Variants in AKR1C3 observed in about 807,000 individuals in gnomAD.
AKR1C3 encodes 3-alpha hydroxysteroid dehydrogenase, type II.
Under a neutral mutation model 43.6 loss-of-function variants are expected in AKR1C3, and 48 were observed. The ratio of observed to expected loss-of-function variants is 1.10; its 90% CI spans 0.87 to 1.40. AKR1C3 has a LOEUF of 1.40. Among genes scored for constraint, AKR1C3 ranks in the 40% most tolerant of loss-of-function variants. AKR1C3 has a pLI of 0.00. For synonymous variants in AKR1C3, 162 were observed against 139.6 expected, an observed-to-expected ratio of 1.16 and a Z score of -1.13; for missense variants, 482 against 391.2, an observed-to-expected ratio of 1.23 and a Z score of -1.96.
At position 5,094,522 on chromosome 10, in the gene AKR1C3, T is replaced by G. The variant is rs1554784874; in HGVS notation, c.78T>G (p.Pro26=). 4 of 1,612,632 alleles carry G rather than the reference T, an allele frequency of 2.5e-6. No homozygotes were observed. The highest frequency in any genetic ancestry group is 3.4e-6 in the Non-Finnish European group (4 of 1,178,858). Reference sequence around the variant, plus strand: ...TATTGGGATTTGGCACCTATGCACCTCCAGAGGTAAGAATAATTCCTTTTA... The same window carrying G: ...TATTGGGATTTGGCACCTATGCACCGCCAGAGGTAAGAATAATTCCTTTTA... ...MPVLGFGTYA[P]PEVPRSKALE... is the part of the protein sequence containing the mutation. The change falls in exon 1 of 9, where the codon CCT becomes CCG. Residue 26 remains proline, a synonymous_variant. Coordinates refer to ENST00000380554, the MANE Select transcript of AKR1C3 (RefSeq NM_003739.6).
chr10:5,077,814 G>T (rs1490050486), intron 1 of AKR1C3: 1 of 567,548 alleles, frequency 1.8e-6, no homozygotes, highest in South Asian at 4.2e-5. Context: ...AAATCTGACC[G>T]ATTTTCAATG....
chr10:5,106,531 G>C lies in AKR1C3; in HGVS notation c.929+854G>C, dbSNP rs765406922. On this transcript the variant is annotated intron_variant, in intron 8 of 8. Coordinates refer to ENST00000380554, the MANE Select transcript of AKR1C3 (RefSeq NM_003739.6). ...TTTGGGAGGCTGAGGTGGGCAGATC[G>C]ACTGAGGTCAGGAGTTCGAGACCAG... Among the ~76,000 whole-genome samples, 329 of 152,110 alleles carry C rather than the reference G, an allele frequency of 2.2e-3. 1 individual carries two copies. The highest frequency in any genetic ancestry group is 4.0e-3 in the Non-Finnish European group (270 of 67,980).
chr10:5,097,501 A>T lies in AKR1C3; in HGVS notation c.320A>T (p.Gln107Leu). 6.2e-7 allele frequency: 1 copy of T among 1,613,860 alleles called. No homozygotes were observed. The highest frequency in any genetic ancestry group is 8.5e-7 in the Non-Finnish European group (1 of 1,179,766). The change falls in exon 3 of 9, where the codon CAA becomes CTA. Residue 107 changes from glutamine to leucine, a missense_variant. Physicochemically the swap from Gln to Leu is moderately radical, Grantham distance 113. Transcript: ENST00000380554. ...TTGGAAAACTCACTGAAGAAAGCTC[A>T]ATTGGACTATGTTGACCTCTATCTT... ...PALENSLKKA[Q>L]LDYVDLYLIH...
chr10:5,078,511 A>C (rs1378709939), intron 1 of AKR1C3, among the ~76,000 whole-genome samples: 1 of 152,206 alleles, frequency 6.6e-6, no homozygotes, highest in African/African-American at 2.4e-5. Flanking sequence ...CTCAGGGTAA[A>C]CTGCCACCAC....
intron 1 of AKR1C3, among the ~76,000 whole-genome samples, chr10:5,053,093 C>T (rs1239803221): frequency 2.6e-5 from 4 of 152,264 alleles, no homozygotes; most frequent in Admixed American, 2.0e-4. Context: ...CCCAGTGGAT[C>T]CCATGCTGGG....
At chr10:5,096,797 T>C (rs904472116) in intron 2 of AKR1C3, among the ~76,000 whole-genome samples, 1 of 152,174 alleles carries the variant, frequency 6.6e-6, no homozygotes, top group Admixed American at 6.6e-5. Context: ...CCCTTTACTT[T>C]TTTGAGCTTC....
intron 1 of AKR1C3, among the ~76,000 whole-genome samples, chr10:5,069,704 C>T (rs782128277): frequency 3.1e-4 from 47 of 152,086 alleles, no homozygotes; most frequent in Non-Finnish European, 5.4e-4. Flanking sequence ...GTGAAACCCC[C>T]GTCTACTAAA....
upstream of AKR1C3, among the ~76,000 whole-genome samples, chr10:5,089,728 C>G (rs79974552): frequency 6.6e-6 from 1 of 151,982 alleles, no homozygotes; most frequent in Non-Finnish European, 1.5e-5. Flanking sequence ...CTATACCTGA[C>G]GTTTCTCAAT....
chr10:5,050,173 T>C (rs1412573293), intron 1 of AKR1C3, among the ~76,000 whole-genome samples: 1 of 152,238 alleles, frequency 6.6e-6, no homozygotes, highest in Non-Finnish European at 1.5e-5. Flanking sequence ...ATCCTGTCAA[T>C]TCGGTGTCTT....
chr10:5,069,990 A>G (rs1382101766), intron 1 of AKR1C3, among the ~76,000 whole-genome samples: 6 of 152,206 alleles, frequency 3.9e-5, no homozygotes, highest in African/African-American at 1.4e-4. Flanking sequence ...TTCAATTTTC[A>G]AGGAGCTGCT....
At chr10:5,106,405 T>A (rs1258122616) in intron 8 of AKR1C3, among the ~76,000 whole-genome samples, 3 of 152,160 alleles carry the variant, frequency 2.0e-5, no homozygotes, top group African/African-American at 7.2e-5. Context: ...TATTCCTTCA[T>A]GGTCTAAGGT....
At chr10:5,052,269 TCA>T (rs1554779007) in intron 1 of AKR1C3, among the ~76,000 whole-genome samples, 6,311 of 152,220 alleles carry the variant, frequency 0.041, 451 homozygotes, top group African/African-American at 0.14. Context: ...CTGCAGACCT[TCA>T]TGGTGTTACA....
intron 1 of AKR1C3, among the ~76,000 whole-genome samples, chr10:5,049,123 T>G (rs1838098606): frequency 6.6e-6 from 1 of 151,946 alleles, no homozygotes; most frequent in Non-Finnish European, 1.5e-5. Context: ...ACTGTTTTTT[T>G]TCTTCTATTT....
Position 5,107,454 on chromosome 10 carries a change from T to C in AKR1C3, c.930-7T>C, listed in dbSNP as rs898353949. 6 of 1,552,694 alleles carry C rather than the reference T, an allele frequency of 3.9e-6. No individual in the cohort carries two copies. The highest frequency in any genetic ancestry group is 5.3e-6 in the Non-Finnish European group (6 of 1,124,574). On this transcript the variant is annotated splice_polypyrimidine_tract_variant and splice_region_variant and intron_variant, in intron 8 of 8. Coordinates refer to ENST00000380554, the MANE Select transcript of AKR1C3 (RefSeq NM_003739.6). ...TGCATTTATATTATACATTATTCTC[T>C]TTTCAGTTTTGCTAGCCACCCTAAT...
chr10:5,102,153 C>T lies in AKR1C3; in HGVS notation c.623C>T (p.Ser208Leu), dbSNP rs116351688. ...AGTAAATTGCTAGATTTCTGCAAGT[C>T]GAAAGATATTGTTCTGGTTGCCTAT... ...NRSKLLDFCK[S>L]KDIVLVAYSA... The change falls in exon 6 of 9, where the codon TCG becomes TTG. Residue 208 changes from serine (S) to leucine (L), a missense_variant. Ser to Leu is a moderately radical substitution (Grantham distance 145). Transcript: ENST00000380554. 140 of 1,613,964 alleles carry T rather than the reference C, an allele frequency of 8.7e-5. No homozygotes were observed. In the African/African-American group the frequency reaches 1.4e-3, roughly 16 times the overall value.
intron 1 of AKR1C3, among the ~76,000 whole-genome samples, chr10:5,049,899 T>C (rs2131767068): frequency 6.6e-6 from 1 of 152,368 alleles, no homozygotes; most frequent in African/African-American, 2.4e-5. Flanking sequence ...CCTGTGCCTC[T>C]GCTCTCCTGA....
intron 1 of AKR1C3, among the ~76,000 whole-genome samples, chr10:5,064,352 C>G (rs1427183600): frequency 6.6e-6 from 1 of 152,086 alleles, no homozygotes; most frequent in Non-Finnish European, 1.5e-5. Context: ...AACGGGAAAG[C>G]CTTCCTTACA....
intron 3 of AKR1C3, chr10:5,098,196 A>G: frequency 2.0e-6 from 2 of 983,690 alleles, no homozygotes; most frequent in Non-Finnish European, 1.2e-6. Context: ...GCTACATTTA[A>G]GGATATGAAA....
At position 5,105,675 on chromosome 10, in the gene AKR1C3, T is replaced by G; in HGVS notation, c.927T>G (p.Asp309Glu). 1 of 1,610,850 alleles carries G rather than the reference T, an allele frequency of 6.2e-7. No homozygotes were observed. Among genetic ancestry groups the G allele is most frequent in the Non-Finnish European group, 8.5e-7 (1 of 1,177,350 alleles). Residue 309 changes from aspartate (D) to glutamate (E), a missense_variant and splice_region_variant, in exon 8 of 9, where the codon GAT (aspartate) becomes GAG (glutamate). Asp to Glu is a conservative substitution (Grantham distance 45). Transcript: ENST00000380554. ...LDRNLHYFNS[D>E]SFASHPNYPY... is the part of the protein sequence containing the mutation. ...GAAATCTCCACTATTTTAACAGTGA[T>G]AGGTAAGTTTCCTTTGTAAATGGGT...
Sources: allele counts gnomAD v4.1 joint callset (sites outside exome capture counted in the v4.1 genomes callset), GRCh38; gene constraint gnomAD v4.1.1; transcripts MANE v1.5; gene names NCBI Gene and HGNC (gene_info 2026-07-23, HGNC 2026-07-21).